The following INPP5A variants were observed in gnomAD, a reference collection of about 807,000 sequenced individuals.
INPP5A encodes the protein inositol polyphosphate-5-phosphatase A.
In INPP5A, 14 loss-of-function variants were observed where a neutral mutation model predicts 65.2. That is an observed-to-expected ratio of 0.21 (90% CI 0.14 to 0.34). The LOEUF is 0.34. Among genes scored for constraint, INPP5A ranks in the 10% least tolerant of loss-of-function variants. The pLI is 1.00. For synonymous variants in INPP5A, 207 were observed against 208.3 expected (o/e 0.99, Z 0.05); for missense variants, 431 against 545.6 (o/e 0.79, Z 2.09).
intron 1 of INPP5A, among the ~76,000 whole-genome samples, chr10:132,581,246 C>G (rs1221707932): frequency 6.6e-6 from 1 of 152,154 alleles, no homozygotes; most frequent in Non-Finnish European, 1.5e-5. Context: ...TATGACTATG[C>G]CATAGCACAT....
chr10:132,651,087 G>A lies in INPP5A; in HGVS notation c.306+582G>A, dbSNP rs1845891476. Among the ~76,000 whole-genome samples, 1 of 152,202 alleles carries A rather than the reference G, an allele frequency of 6.6e-6. No homozygotes were observed. Among genetic ancestry groups the A allele is most frequent in the Non-Finnish European group, 1.5e-5 (1 of 68,018 alleles). On this transcript the variant is annotated intron_variant, in intron 4 of 15. Transcript: ENST00000368594. This position sits in a 1 kb window ranked among gnomAD's most constrained non-coding sequence, Gnocchi z 5.0. ...TGAGAGGGTGGCCCTGGTGGACGTG[G>A]CAGCCACAGAGATACAGGCACCAGG... is the stretch of plus-strand genomic sequence containing the variant.
chr10:132,696,632 A>G (rs936494809), intron 5 of INPP5A, among the ~76,000 whole-genome samples: 2 of 152,232 alleles, frequency 1.3e-5, no homozygotes, highest in African/African-American at 4.8e-5. Flanking sequence ...CTGTGGAGAC[A>G]GTGAAAGGAT....
intron 1 of INPP5A, among the ~76,000 whole-genome samples, chr10:132,576,588 T>C (rs2071414301): frequency 6.6e-6 from 1 of 152,218 alleles, no homozygotes; most frequent in Admixed American, 6.5e-5. Flanking sequence ...CTGCACATGA[T>C]ATCATTCATT....
At chr10:132,681,033 G>A (rs1278117859) in intron 4 of INPP5A, among the ~76,000 whole-genome samples, 1 of 152,282 alleles carries the variant, frequency 6.6e-6, no homozygotes, top group African/African-American at 2.4e-5. Context: ...GGCTTGAGGA[G>A]TGCGGGCGCA....
chr10:132,577,568 G>A (rs1434869011), intron 1 of INPP5A, among the ~76,000 whole-genome samples: 2 of 152,206 alleles, frequency 1.3e-5, no homozygotes, highest in Non-Finnish European at 2.9e-5. Context: ...AGGGGCCTGA[G>A]CCCCCCATGG....
At chr10:132,771,949 A>G (rs1591003292) in intron 12 of INPP5A, among the ~76,000 whole-genome samples, 2 of 11,830 alleles carry the variant, frequency 1.7e-4, no homozygotes. Flanking sequence ...GACACTCAGC[A>G]CTGACACAGA....
At chr10:132,657,342 C>T (rs763812527) in intron 4 of INPP5A, among the ~76,000 whole-genome samples, 10 of 152,248 alleles carry the variant, frequency 6.6e-5, no homozygotes, top group African/African-American at 1.9e-4. Context: ...GGACTCTGCT[C>T]GCGCCTTGGT....
chr10:132,552,491 C>A (rs1397227841), intron 1 of INPP5A, among the ~76,000 whole-genome samples: 2 of 122,346 alleles, frequency 1.6e-5, no homozygotes, highest in Non-Finnish European at 1.7e-5. Flanking sequence ...GCCTTGGTGG[C>A]ATATTGAGTG....
At chr10:132,556,361 C>G (rs2071125619) in intron 1 of INPP5A, among the ~76,000 whole-genome samples, 4 of 152,170 alleles carry the variant, frequency 2.6e-5, no homozygotes, top group Admixed American at 2.6e-4. Flanking sequence ...ATGCGGCGAG[C>G]CCTCTCCGTG....
At chr10:132,578,335 C>G (rs774771983) in intron 1 of INPP5A, among the ~76,000 whole-genome samples, 1 of 152,166 alleles carries the variant, frequency 6.6e-6, no homozygotes, top group Admixed American at 6.5e-5. Context: ...AGCACAAGCC[C>G]GAGCCTTATC....
intron 1 of INPP5A, among the ~76,000 whole-genome samples, chr10:132,585,045 T>C (rs1428789658): frequency 6.6e-6 from 1 of 152,246 alleles, no homozygotes; most frequent in Non-Finnish European, 1.5e-5. Context: ...TAATCAGACC[T>C]TCAGGGGCTT....
In INPP5A at chr10:132,765,888, G is replaced by C. The variant is rs778457281; in HGVS notation, c.977+42G>C. On this transcript the variant is annotated intron_variant, in intron 12 of 15. Transcript: ENST00000368594. Reference sequence around the variant, plus strand: ...TTGCTGGATGAACCCGGCCGGGAAGGTGGCGTCTCCACCCTCCCAGTCTCT... The same window carrying C: ...TTGCTGGATGAACCCGGCCGGGAAGCTGGCGTCTCCACCCTCCCAGTCTCT... The C allele has an allele frequency of 2.0e-5, 24 of 1,217,290 alleles. No homozygotes were observed. In the Middle Eastern group the frequency reaches 5.6e-4, roughly 28 times the overall value. 75.4% of individuals were successfully genotyped at this position (1,217,290 alleles called of 1,614,324 possible).
chr10:132,636,561 G>C (rs569915762), intron 2 of INPP5A, among the ~76,000 whole-genome samples: 1 of 152,202 alleles, frequency 6.6e-6, no homozygotes, highest in Non-Finnish European at 1.5e-5. Flanking sequence ...TTTGGAAATC[G>C]AGGTTGTGGA....
chr10:132,771,546 CAG>C lies in INPP5A; in HGVS notation c.977+5701_977+5702del, dbSNP rs1208511535. ...CTGCCGCAGGGGTCCCAGGGACCCA[CAG>C]GGGGCCACACGCCAACTCCAGAACT... is the stretch of plus-strand genomic sequence containing the variant. On this transcript the variant is annotated intron_variant, in intron 12 of 15. Coordinates refer to ENST00000368594, the MANE Select transcript of INPP5A (RefSeq NM_005539.5). 9.9e-5 allele frequency among the ~76,000 whole-genome samples: 15 copies of C among 152,266 alleles called. 1 individual carries two copies. Among genetic ancestry groups the C allele is most frequent in the African/African-American group, 3.6e-4 (15 of 41,470 alleles).
intron 11 of INPP5A, among the ~76,000 whole-genome samples, chr10:132,761,135 C>G (rs1430977549): frequency 6.6e-6 from 1 of 152,246 alleles, no homozygotes; most frequent in Non-Finnish European, 1.5e-5. Flanking sequence ...CTGGTGTGCT[C>G]TGCAGAGGTC....
At chr10:132,687,792 A>C (rs1374026521) in intron 4 of INPP5A, among the ~76,000 whole-genome samples, 2 of 152,188 alleles carry the variant, frequency 1.3e-5, no homozygotes, top group Non-Finnish European at 2.9e-5. Context: ...TGGAGGCGGC[A>C]CGTGTCCCTG....
Position 132,765,197 on chromosome 10 carries a change from G to C in INPP5A, c.904-576G>C, listed in dbSNP as rs563355658. Among the ~76,000 whole-genome samples the C allele has an allele frequency of 3.3e-5, 5 of 152,314 alleles. No individual in the cohort carries two copies. In the South Asian group the frequency reaches 1.0e-3, roughly 32 times the overall value. ...GAAACACGGTGGGCCAGTCCTGCAG[G>C]TGTGGGAGGTGATGCCCGCCTGGGG... On this transcript the variant is annotated intron_variant, in intron 11 of 15. Coordinates refer to ENST00000368594, the MANE Select transcript of INPP5A (RefSeq NM_005539.5).
rs536085522 is a variant in INPP5A at position 132,659,454 on chromosome 10, C to T, written c.306+8949C>T. On this transcript the variant is annotated intron_variant, in intron 4 of 15. Transcript: ENST00000368594. This position sits in a 1 kb window ranked among gnomAD's most constrained non-coding sequence, Gnocchi z 5.5. ...ATGAGGTCCCTGTGGGGTGCATCCA[C>T]GGACGCGGGTCTGGAGGCGCTGCTG... Among the ~76,000 whole-genome samples the T allele has an allele frequency of 2.6e-4, 39 of 152,290 alleles. No homozygotes were observed. The East Asian group carries it at 3.1e-3, about 12-fold the overall frequency.
chr10:132,598,828 G>A (rs1011170489), intron 1 of INPP5A, among the ~76,000 whole-genome samples: 4 of 152,198 alleles, frequency 2.6e-5, no homozygotes, highest in Non-Finnish European at 5.9e-5. Context: ...CATGGCAGGA[G>A]GTGAAAGACA....
Sources: allele counts gnomAD v4.1 joint callset (sites outside exome capture counted in the v4.1 genomes callset), GRCh38; gene constraint gnomAD v4.1.1; non-coding constraint Gnocchi (gnomAD v3.1); transcripts MANE v1.5; gene names NCBI Gene and HGNC (gene_info 2026-07-23, HGNC 2026-07-21).